The following GOLIM4 variants were observed in gnomAD, a reference collection of about 807,000 sequenced individuals.
GOLIM4 encodes golgi integral membrane protein 4.
In GOLIM4, 71 loss-of-function variants were observed where a neutral mutation model predicts 107.4. That is an observed-to-expected ratio of 0.66 (90% CI 0.55 to 0.81). The LOEUF is 0.81. Among genes scored for constraint, GOLIM4 ranks in the 30% least tolerant of loss-of-function variants. The pLI is 0.00. For synonymous variants in GOLIM4, 327 were observed against 294.8 expected, an observed-to-expected ratio of 1.11 and a Z score of -1.12; for missense variants, 830 against 826.1, an observed-to-expected ratio of 1.00 and a Z score of -0.06.
intron 11 of GOLIM4, 77 bp from the exon 12 acceptor site, chr3:168,027,914 C>A: frequency 1.1e-6 from 1 of 919,304 alleles, no homozygotes. Flanking sequence ...GAAAAGCCAC[C>A]AGTGGACTTT....
intron 1 of GOLIM4, among the ~76,000 whole-genome samples, chr3:168,089,196 T>G (rs1374331452): frequency 4.6e-5 from 7 of 152,232 alleles, no homozygotes; most frequent in Non-Finnish European, 1.5e-5. Flanking sequence ...TTTTGTTCCA[T>G]ATTCTAAATG....
chr3:168,013,715 A>G (rs1261757599), intron 14 of GOLIM4, among the ~76,000 whole-genome samples: 1 of 151,876 alleles, frequency 6.6e-6, no homozygotes, highest in Non-Finnish European at 1.5e-5. Flanking sequence ...CAATCAAACT[A>G]GAACTCAGGA....
At chr3:168,028,045 C>T (rs141572176) in intron 11 of GOLIM4, among the ~76,000 whole-genome samples, 3 of 152,320 alleles carry the variant, frequency 2.0e-5, no homozygotes, top group African/African-American at 7.2e-5. Context: ...ATGGGTCAGA[C>T]ACTTTTCTTC....
At chr3:168,049,047 G>C (rs985666429) in intron 1 of GOLIM4, among the ~76,000 whole-genome samples, 2 of 152,150 alleles carry the variant, frequency 1.3e-5, no homozygotes, top group African/African-American at 2.4e-5. Flanking sequence ...AGAAACCAGC[G>C]GCAAACCGAT....
chr3:168,013,087 A>G (rs1458546128), intron 14 of GOLIM4, among the ~76,000 whole-genome samples: 2 of 151,266 alleles, frequency 1.3e-5, no homozygotes, highest in Non-Finnish European at 2.9e-5. Flanking sequence ...TAAAAGACAC[A>G]GACTGGCAAA....
At chr3:168,062,401 CTTT>C (rs34407704) in intron 1 of GOLIM4, among the ~76,000 whole-genome samples, 4 of 139,158 alleles carry the variant, frequency 2.9e-5, no homozygotes, top group Admixed American at 7.2e-5. Flanking sequence ...TGTATTGGGG[CTTT>C]TTTTTTTTTT....
intron 7 of GOLIM4, among the ~76,000 whole-genome samples, chr3:168,039,547 A>G (rs973154137): frequency 3.3e-5 from 5 of 152,190 alleles, no homozygotes; most frequent in African/African-American, 1.2e-4. Flanking sequence ...TACAGGCATG[A>G]GCCACGGTGC....
chr3:168,053,717 G>A lies in GOLIM4; in HGVS notation c.188-5352C>T, dbSNP rs547630224. Among the ~76,000 whole-genome samples, 4 of 152,288 alleles carry A rather than the reference G, an allele frequency of 2.6e-5. No individual in the cohort carries two copies. The East Asian group carries it at 7.7e-4, about 29-fold the overall frequency. On this transcript the variant is annotated intron_variant, in intron 1 of 15. Coordinates refer to ENST00000470487, the MANE Select transcript of GOLIM4 (RefSeq NM_014498.5). ...GTTGTAATTCTAAATCACCAGAGGT[G>A]GGGTGGAAGCCAGCCACCTGCCCAT...
intron 8 of GOLIM4, among the ~76,000 whole-genome samples, chr3:168,033,816 C>A (rs1455568665): frequency 6.6e-6 from 1 of 151,890 alleles, no homozygotes; most frequent in African/African-American, 2.4e-5. Flanking sequence ...GAAGAAATGG[C>A]TTTTTCAGAA....
chr3:168,044,053 A>G (rs1719167454), intron 4 of GOLIM4, among the ~76,000 whole-genome samples: 1 of 152,190 alleles, frequency 6.6e-6, no homozygotes, highest in African/African-American at 2.4e-5. Flanking sequence ...TCCGATTATA[A>G]TCCTACAATG....
rs947152847 is a variant in GOLIM4, at chr3:168,069,798, T to C, written c.188-21433A>G. Among the ~76,000 whole-genome samples, 5 of 152,330 alleles carry C rather than the reference T, an allele frequency of 3.3e-5. 1 individual carries two copies. Among genetic ancestry groups the C allele is most frequent in the Admixed American group, 6.5e-5 (1 of 15,314 alleles). ...CTGTTAAAAATATCTTGTAATATGC[T>C]AAACTAAATTTCCTTAAAGGAAATC... On this transcript the variant is annotated intron_variant, in intron 1 of 15. Coordinates refer to ENST00000470487, the MANE Select transcript of GOLIM4 (RefSeq NM_014498.5).
rs73878630 is a variant in GOLIM4 at position 168,073,947 on chromosome 3, A to G, written c.187+21152T>C. On this transcript the variant is annotated intron_variant, in intron 1 of 15. Coordinates refer to ENST00000470487, the MANE Select transcript of GOLIM4 (RefSeq NM_014498.5). The stretch of plus-strand genomic sequence containing the variant: ...CATGGTACCATAATGGGGCTGGCTG[A>G]CTAACAGCCTATGTCCCAAGTGGTG... 8.0e-3 allele frequency among the ~76,000 whole-genome samples: 1,224 copies of G among 152,282 alleles called. 19 individuals are homozygous for G. The highest frequency in any genetic ancestry group is 0.028 in the African/African-American group (1,165 of 41,552).
intron 7 of GOLIM4, among the ~76,000 whole-genome samples, chr3:168,038,130 G>A (rs1718767295): frequency 6.6e-6 from 1 of 152,094 alleles, no homozygotes; most frequent in African/African-American, 2.4e-5. Flanking sequence ...TAATTCCCAG[G>A]GCACTGCCTT....
chr3:168,066,034 C>T (rs535199708), intron 1 of GOLIM4, among the ~76,000 whole-genome samples: 2 of 152,026 alleles, frequency 1.3e-5, no homozygotes, highest in African/African-American at 2.4e-5. Flanking sequence ...GATCTTAGAA[C>T]ATAATAGTGA....
In GOLIM4 at chr3:168,043,510, T is replaced by C. The variant is rs767869301; in HGVS notation, c.386A>G (p.Lys129Arg). The C allele has an allele frequency of 6.2e-6, 10 of 1,611,256 alleles. No individual in the cohort carries two copies. The highest frequency in any genetic ancestry group is 8.5e-6 in the Non-Finnish European group (10 of 1,179,316). Reference sequence around the variant, plus strand: ...CTCTTCCAAGTCACTGTGCTGTTTCTTTAGCTCCTCGTGTTGGCTCTGCAA... The same window carrying C: ...CTCTTCCAAGTCACTGTGCTGTTTCCTTAGCTCCTCGTGTTGGCTCTGCAA... ...QMLKSQHEEL[K>R]KQHSDLEEEH... The change falls in exon 5 of 16, where the codon AAG (lysine) becomes AGG (arginine). Residue 129 changes from lysine to arginine, a missense_variant. Lys to Arg is a conservative substitution (Grantham distance 26). Coordinates refer to ENST00000470487, the MANE Select transcript of GOLIM4 (RefSeq NM_014498.5).
intron 8 of GOLIM4, among the ~76,000 whole-genome samples, chr3:168,035,442 A>G (rs1479389878): frequency 6.6e-6 from 1 of 152,218 alleles, no homozygotes; most frequent in African/African-American, 2.4e-5. Flanking sequence ...GTGATACATA[A>G]ACACCATGGA....
At position 168,027,899 on chromosome 3, in the gene GOLIM4, T is replaced by G. The variant is rs975488183; in HGVS notation, c.1514-62A>C. 10 of 1,105,888 alleles carry G rather than the reference T, an allele frequency of 9.0e-6. No individual in the cohort carries two copies. The Admixed American group carries it at 1.8e-4, about 20-fold the overall frequency. 68.5% of individuals were successfully genotyped at this position (1,105,888 alleles called of 1,614,324 possible). A position where few individuals can be genotyped will look rare whatever the true frequency, so the allele number is the denominator to read the frequency against. On this transcript the variant is annotated intron_variant, in intron 11 of 15. Coordinates refer to ENST00000470487, the MANE Select transcript of GOLIM4 (RefSeq NM_014498.5). ...AATCAAACAGGATTTCCCTTTCAACTCAAAGAAAAGCCACCAGTGGACTTT... is the reference window on the plus strand; with the variant it reads ...AATCAAACAGGATTTCCCTTTCAACGCAAAGAAAAGCCACCAGTGGACTTT...
At chr3:168,083,448 C>T (rs1165087406) in intron 1 of GOLIM4, among the ~76,000 whole-genome samples, 1 of 152,140 alleles carries the variant, frequency 6.6e-6, no homozygotes, top group Non-Finnish European at 1.5e-5. Flanking sequence ...GGGTATTTTA[C>T]TTAATGAACT....
At chr3:168,039,806 G>A (rs1176677384) in intron 7 of GOLIM4, among the ~76,000 whole-genome samples, 4 of 152,040 alleles carry the variant, frequency 2.6e-5, no homozygotes, top group East Asian at 1.9e-4. Context: ...TAAAGAAGAC[G>A]TGAAATGAAA....
Sources: allele counts gnomAD v4.1 joint callset (sites outside exome capture counted in the v4.1 genomes callset), GRCh38; gene constraint gnomAD v4.1.1; transcripts MANE v1.5; gene names NCBI Gene and HGNC (gene_info 2026-07-23, HGNC 2026-07-21).